The following CCDC170 variants were observed in gnomAD, a reference collection of about 807,000 sequenced individuals.
CCDC170 encodes coiled-coil domain-containing protein 170.
In CCDC170, 69 loss-of-function variants were observed where a neutral mutation model predicts 72.6. That is an observed-to-expected ratio of 0.95 (90% CI 0.78 to 1.16). CCDC170 has a LOEUF of 1.16. Ranked by LOEUF, CCDC170 falls within the 50% of genes most tolerant of loss-of-function variation. The pLI is 0.00. For synonymous variants in CCDC170, 300 were observed against 303.9 expected, an observed-to-expected ratio of 0.99 and a Z score of 0.13; for missense variants, 852 against 832.5, an observed-to-expected ratio of 1.02 and a Z score of -0.29.
intron 1 of CCDC170, among the ~76,000 whole-genome samples, chr6:151,524,182 C>T (rs1737264382): frequency 6.6e-6 from 1 of 152,202 alleles, no homozygotes; most frequent in Non-Finnish European, 1.5e-5. Flanking sequence ...CCTTACTATG[C>T]ATGTGTTAGG....
At chr6:151,522,956 T>C (rs1782345448) in intron 1 of CCDC170, among the ~76,000 whole-genome samples, 1 of 152,202 alleles carries the variant, frequency 6.6e-6, no homozygotes, top group African/African-American at 2.4e-5. Context: ...TACCTTATTC[T>C]GTGGACTTGC....
chr6:151,602,573 T>C (rs1213804331), intron 9 of CCDC170, among the ~76,000 whole-genome samples: 1 of 152,094 alleles, frequency 6.6e-6, no homozygotes, highest in Non-Finnish European at 1.5e-5. Flanking sequence ...AGGAGCGGTT[T>C]TCCCCTTGCT....
Position 151,553,751 on chromosome 6 carries a change from G to A in CCDC170, c.774+5262G>A, listed in dbSNP as rs558369017. Among the ~76,000 whole-genome samples the A allele has an allele frequency of 1.7e-4, 26 of 151,978 alleles. No homozygotes were observed. The South Asian group carries it at 5.4e-3, about 32-fold the overall frequency. On this transcript the variant is annotated intron_variant, in intron 5 of 10. Transcript: ENST00000239374. ...AATTGTAAAAAAAAAAATTATATGG[G>A]CAATAAAAAAACTTGAGGTCTTTAA...
At chr6:151,588,768 C>G (rs1776491268) in intron 7 of CCDC170, among the ~76,000 whole-genome samples, 1 of 151,930 alleles carries the variant, frequency 6.6e-6, no homozygotes, top group South Asian at 2.1e-4. Flanking sequence ...TGGTGAAACC[C>G]CATCTCTACA....
intron 1 of CCDC170, among the ~76,000 whole-genome samples, chr6:151,494,984 C>A (rs1205133777): frequency 6.6e-6 from 1 of 152,220 alleles, no homozygotes; most frequent in Admixed American, 6.5e-5. Context: ...CAACTGCTAA[C>A]CGCAAGTAAC....
chr6:151,580,207 G>A (rs1014844692), intron 6 of CCDC170, among the ~76,000 whole-genome samples: 1 of 152,064 alleles, frequency 6.6e-6, no homozygotes, highest in Non-Finnish European at 1.5e-5. Flanking sequence ...CTCTCCGCTT[G>A]AGGTTTATTG....
chr6:151,524,064 G>A (rs541524363), intron 1 of CCDC170, among the ~76,000 whole-genome samples: 1 of 152,306 alleles, frequency 6.6e-6, no homozygotes, highest in South Asian at 2.1e-4. Flanking sequence ...AAACCGATGA[G>A]GGCTGGGCAT....
intron 1 of CCDC170, among the ~76,000 whole-genome samples, chr6:151,517,468 C>G (rs1433518181): frequency 6.7e-6 from 1 of 148,452 alleles, no homozygotes; most frequent in African/African-American, 2.5e-5. Flanking sequence ...GAGTCCTGCA[C>G]TGTCACCCAG....
intron 1 of CCDC170, among the ~76,000 whole-genome samples, chr6:151,526,338 C>T (rs1389340246): frequency 1.3e-5 from 2 of 151,982 alleles, no homozygotes; most frequent in Non-Finnish European, 2.9e-5. Context: ...TCTCCTGCCT[C>T]AGCCTTCCTA....
At chr6:151,527,986 C>G (rs1345933731) in intron 1 of CCDC170, among the ~76,000 whole-genome samples, 1 of 152,124 alleles carries the variant, frequency 6.6e-6, no homozygotes, top group African/African-American at 2.4e-5. Context: ...TAATTTGGCA[C>G]ATTGTATACT....
At chr6:151,581,559 G>GA (rs1776379723) in intron 6 of CCDC170, among the ~76,000 whole-genome samples, 2 of 152,238 alleles carry the variant, frequency 1.3e-5, no homozygotes, top group South Asian at 4.2e-4. Flanking sequence ...TCTCATAGAT[G>GA]ACACCTATGA....
intron 6 of CCDC170, among the ~76,000 whole-genome samples, chr6:151,579,312 G>T (rs1776349153): frequency 6.6e-6 from 1 of 152,174 alleles, no homozygotes; most frequent in South Asian, 2.1e-4. Flanking sequence ...ATGTTCCCAA[G>T]AATAAGTCAG....
chr6:151,573,702 G>A (rs1004904312), intron 6 of CCDC170, among the ~76,000 whole-genome samples: 1 of 152,196 alleles, frequency 6.6e-6, no homozygotes, highest in Admixed American at 6.5e-5. Context: ...AGGAGCAAAG[G>A]CACATCTTAC....
At chr6:151,541,365 A>G (rs1782687900) in intron 3 of CCDC170, among the ~76,000 whole-genome samples, 1 of 152,166 alleles carries the variant, frequency 6.6e-6, no homozygotes, top group South Asian at 2.1e-4. Context: ...TCCAAATAGA[A>G]CATAAGCTCC....
chr6:151,503,125 C>T (rs1782016868), intron 1 of CCDC170, among the ~76,000 whole-genome samples: 1 of 151,906 alleles, frequency 6.6e-6, no homozygotes, highest in Non-Finnish European at 1.5e-5. Flanking sequence ...TGCAGTGAGC[C>T]GAGATCACGC....
intron 1 of CCDC170, among the ~76,000 whole-genome samples, chr6:151,504,386 TGA>T (rs1782037999): frequency 2.0e-5 from 3 of 152,104 alleles, no homozygotes; most frequent in African/African-American, 7.2e-5. Context: ...TACTTACAGT[TGA>T]GTTAGGTAAA....
At chr6:151,501,081 A>G (rs1002284376) in intron 1 of CCDC170, among the ~76,000 whole-genome samples, 2 of 152,258 alleles carry the variant, frequency 1.3e-5, no homozygotes, top group Middle Eastern at 3.4e-3. Context: ...ATTGTACTCT[A>G]TTGGTAGGAA....
chr6:151,541,253 T>A (rs1295486836), intron 3 of CCDC170, among the ~76,000 whole-genome samples: 3 of 152,186 alleles, frequency 2.0e-5, no homozygotes, highest in Non-Finnish European at 2.9e-5. Context: ...TCCTCTAATA[T>A]CTCTTGCCCC....
chr6:151,585,101 C>G (rs1246494799), intron 6 of CCDC170, among the ~76,000 whole-genome samples: 2 of 152,038 alleles, frequency 1.3e-5, no homozygotes, highest in Non-Finnish European at 2.9e-5. Flanking sequence ...CCCTGAGGTC[C>G]TTGGTAAACT....
Sources: allele counts gnomAD v4.1 joint callset (sites outside exome capture counted in the v4.1 genomes callset), GRCh38; gene constraint gnomAD v4.1.1; transcripts MANE v1.5; gene names NCBI Gene and HGNC (gene_info 2026-07-23, HGNC 2026-07-21).